The following CNTN4 variants were observed in gnomAD, a reference collection of about 807,000 sequenced individuals.
CNTN4 encodes contactin 4, also known as contactin-4.
A neutral mutation model predicts 122.5 loss-of-function variants in CNTN4; 77 were observed. The observed-to-expected ratio is 0.63, with a 90% CI of 0.52 to 0.76. The LOEUF is 0.76. Among genes scored for constraint, CNTN4 ranks in the 30% least tolerant of loss-of-function variants. The pLI is 0.00. For synonymous variants in CNTN4, 512 were observed against 447.0 expected (o/e 1.15, Z -1.83); for missense variants, 1,256 against 1,259.1 (o/e 1.00, Z 0.04).
At chr3:2,651,950 A>C (rs1490392059) in intron 4 of CNTN4, among the ~76,000 whole-genome samples, 4 of 149,724 alleles carry the variant, frequency 2.7e-5, no homozygotes, top group African/African-American at 9.9e-5. Context: ...CAGGTGATCC[A>C]CCCGCCTTGG....
In CNTN4 at chr3:2,672,941, C is replaced by T. The variant is rs563527293; in HGVS notation, c.56-63274C>T. 2.0e-4 allele frequency among the ~76,000 whole-genome samples: 31 copies of T among 152,202 alleles called. No individual in the cohort carries two copies. In the East Asian group the frequency reaches 3.3e-3, roughly 16 times the overall value. On this transcript the variant is annotated intron_variant, in intron 4 of 24. Coordinates refer to ENST00000418658, the MANE Select transcript of CNTN4 (RefSeq NM_175607.3). The stretch of plus-strand genomic sequence containing the variant: ...TACATTCGAGTGGGCTAGAGAATCA[C>T]GTAAATAGATAATTGCATTGCAATT...
intron 6 of CNTN4, among the ~76,000 whole-genome samples, chr3:2,776,274 CTTT>C (rs10575193): frequency 1.7e-4 from 23 of 134,202 alleles, no homozygotes; most frequent in African/African-American, 6.0e-4. Context: ...ATAAGTGTTT[CTTT>C]TTTTTTTTTT....
intron 6 of CNTN4, among the ~76,000 whole-genome samples, chr3:2,756,824 A>G (rs2090358683): frequency 6.6e-6 from 1 of 152,164 alleles, no homozygotes; most frequent in South Asian, 2.1e-4. Context: ...TCTCTCCTAG[A>G]GCCTTCGAAG....
intron 7 of CNTN4, among the ~76,000 whole-genome samples, chr3:2,861,461 C>T (rs1046696854): frequency 6.6e-6 from 1 of 152,216 alleles, no homozygotes; most frequent in Admixed American, 6.5e-5. Context: ...ACTTAAAATA[C>T]ACTTTTCACA....
chr3:3,028,456 A>G lies in CNTN4; in HGVS notation c.1662+2179A>G, dbSNP rs191703536. Among the ~76,000 whole-genome samples, 414 of 152,298 alleles carry G rather than the reference A, an allele frequency of 2.7e-3. 2 individuals carry two copies. The highest frequency in any genetic ancestry group is 6.8e-3 in the Middle Eastern group (2 of 294). On this transcript the variant is annotated intron_variant, in intron 15 of 24. Coordinates refer to ENST00000418658, the MANE Select transcript of CNTN4 (RefSeq NM_175607.3). Reference sequence around the variant, plus strand: ...TACTTTAAAAACACAAATCCAGTCAAAATGTGTAAATAACTACAGTACTTC... The same window carrying G: ...TACTTTAAAAACACAAATCCAGTCAGAATGTGTAAATAACTACAGTACTTC...
intron 3 of CNTN4, among the ~76,000 whole-genome samples, chr3:2,539,632 C>CA (rs1220759180): frequency 6.6e-6 from 1 of 151,982 alleles, no homozygotes; most frequent in African/African-American, 2.4e-5. Context: ...AGACTTGATG[C>CA]AAAAATCAAT....
intron 3 of CNTN4, among the ~76,000 whole-genome samples, chr3:2,525,763 A>G (rs1038782034): frequency 3.3e-5 from 5 of 152,194 alleles, no homozygotes; most frequent in African/African-American, 1.2e-4. Context: ...ATGTATATGT[A>G]GAGGTGAATA....
At chr3:2,275,096 T>C (rs17011596) in intron 2 of CNTN4, among the ~76,000 whole-genome samples, 2,967 of 152,322 alleles carry the variant, frequency 0.019, 96 homozygotes, top group African/African-American at 0.067. Flanking sequence ...AAGAGAGATG[T>C]CTAAACATTT....
chr3:2,567,051 C>A (rs2079194950), intron 3 of CNTN4, among the ~76,000 whole-genome samples: 1 of 151,880 alleles, frequency 6.6e-6, no homozygotes, highest in Non-Finnish European at 1.5e-5. Flanking sequence ...CATTCTCACC[C>A]TCCTCGTAGA....
At chr3:2,434,260 C>A (rs2048181834) in intron 3 of CNTN4, among the ~76,000 whole-genome samples, 1 of 151,932 alleles carries the variant, frequency 6.6e-6, no homozygotes, top group Admixed American at 6.6e-5. Context: ...CATTGTACCC[C>A]ACAAACATGT....
intron 3 of CNTN4, among the ~76,000 whole-genome samples, chr3:2,437,219 G>C (rs1416571759): frequency 3.3e-5 from 5 of 152,102 alleles, no homozygotes. Flanking sequence ...GTAAAGGGAA[G>C]ACTCTAATAA....
chr3:2,120,894 CAATT>C (rs2033732228), intron 2 of CNTN4, among the ~76,000 whole-genome samples: 2 of 152,032 alleles, frequency 1.3e-5, no homozygotes, highest in African/African-American at 4.8e-5. Flanking sequence ...TCTATTATCT[CAATT>C]AAACCTATAA....
At chr3:2,804,469 C>T (rs190546526) in intron 6 of CNTN4, among the ~76,000 whole-genome samples, 35 of 152,160 alleles carry the variant, frequency 2.3e-4, no homozygotes, top group African/African-American at 8.2e-4. Flanking sequence ...ATAAAATTAC[C>T]CACTTTAGGG....
At chr3:2,198,983 A>G (rs1559335551) in intron 2 of CNTN4, among the ~76,000 whole-genome samples, 1 of 152,218 alleles carries the variant, frequency 6.6e-6, no homozygotes, top group Non-Finnish European at 1.5e-5. Context: ...AAGCCGAATC[A>G]TCGTTTCACT....
At chr3:2,888,796 C>G (rs1340792568) in intron 10 of CNTN4, among the ~76,000 whole-genome samples, 3 of 151,948 alleles carry the variant, frequency 2.0e-5, no homozygotes, top group African/African-American at 7.3e-5. Flanking sequence ...TGCACATGCA[C>G]ATGTTTCTTC....
chr3:2,497,930 A>G (rs997735143), intron 3 of CNTN4, among the ~76,000 whole-genome samples: 8 of 152,122 alleles, frequency 5.3e-5, no homozygotes, highest in Admixed American at 2.6e-4. Flanking sequence ...TCAGTTATTT[A>G]CTTGCTCACT....
At chr3:2,947,882 G>A (rs971707031) in intron 13 of CNTN4, among the ~76,000 whole-genome samples, 16 of 152,128 alleles carry the variant, frequency 1.1e-4, no homozygotes, top group Non-Finnish European at 2.9e-5. Context: ...TTTAGGCCAG[G>A]AAATTATTCT....
chr3:2,204,675 G>GT (rs199553252), intron 2 of CNTN4, among the ~76,000 whole-genome samples: 2,441 of 151,086 alleles, frequency 0.016, 41 homozygotes, highest in Middle Eastern at 0.048. Context: ...GTTAATTTTT[G>GT]TTTTTTTTTA....
intron 6 of CNTN4, among the ~76,000 whole-genome samples, chr3:2,766,309 G>A (rs1001221996): frequency 6.6e-6 from 1 of 152,162 alleles, no homozygotes; most frequent in Non-Finnish European, 1.5e-5. Flanking sequence ...CACACACAGT[G>A]TTAGATACAT....
Sources: allele counts gnomAD v4.1 joint callset (sites outside exome capture counted in the v4.1 genomes callset), GRCh38; gene constraint gnomAD v4.1.1; transcripts MANE v1.5; gene names NCBI Gene and HGNC (gene_info 2026-07-23, HGNC 2026-07-21).